Variants in FAF1 observed in about 807,000 individuals in gnomAD.
The protein encoded by FAF1 is FAS-associated factor 1.
Under a neutral mutation model 92.5 loss-of-function variants are expected in FAF1, and 25 were observed. The ratio of observed to expected loss-of-function variants is 0.27; its 90% CI spans 0.20 to 0.38. FAF1 has a LOEUF of 0.38. Among genes scored for constraint, FAF1 ranks in the 10% least tolerant of loss-of-function variants. The probability of loss-of-function intolerance (pLI) is 1.00; values close to 1 mark genes in which losing one functional copy is unlikely to be tolerated. For synonymous variants in FAF1, 234 were observed against 273.2 expected (o/e 0.86, Z 1.42); for missense variants, 636 against 793.3 (o/e 0.80, Z 2.38).
intron 17 of FAF1, among the ~76,000 whole-genome samples, chr1:50,486,462 T>C (rs1572777126): frequency 6.6e-6 from 1 of 152,298 alleles, no homozygotes; most frequent in South Asian, 2.1e-4. Flanking sequence ...ATCTATTCAT[T>C]AGTCCAGACA....
chr1:50,892,178 T>C (rs990471214), intron 1 of FAF1, among the ~76,000 whole-genome samples: 1 of 152,226 alleles, frequency 6.6e-6, no homozygotes, highest in Admixed American at 6.5e-5. Context: ...TATAATCTCC[T>C]GGTGTGCCGT....
chr1:50,545,461 G>A (rs540408945), intron 13 of FAF1, among the ~76,000 whole-genome samples: 1 of 152,088 alleles, frequency 6.6e-6, no homozygotes, highest in Admixed American at 6.6e-5. Flanking sequence ...TAGAGATGGG[G>A]TTGCACCATG....
At chr1:50,618,637 G>C (rs1299461408) in intron 8 of FAF1, among the ~76,000 whole-genome samples, 3 of 151,886 alleles carry the variant, frequency 2.0e-5, no homozygotes, top group Non-Finnish European at 4.4e-5. Flanking sequence ...CATATATTTA[G>C]GATAGTTAAG....
intron 7 of FAF1, among the ~76,000 whole-genome samples, chr1:50,700,314 C>CCT (rs138585618): frequency 8.6e-5 from 13 of 151,382 alleles, no homozygotes; most frequent in East Asian, 3.9e-4. Flanking sequence ...TCTTTTCCCC[C>CCT]CTCTCTCTCT....
At chr1:50,537,075 G>A (rs902948388) in intron 14 of FAF1, among the ~76,000 whole-genome samples, 2 of 152,092 alleles carry the variant, frequency 1.3e-5, no homozygotes, top group Admixed American at 6.6e-5. Flanking sequence ...TTATAGGTAT[G>A]TGCCACCACA....
intron 13 of FAF1, among the ~76,000 whole-genome samples, chr1:50,559,707 G>A (rs1355477111): frequency 2.6e-5 from 4 of 152,160 alleles, no homozygotes; most frequent in Non-Finnish European, 2.9e-5. Context: ...GAAAATGAGT[G>A]GGTAGGATGT....
intron 5 of FAF1, among the ~76,000 whole-genome samples, chr1:50,742,160 A>T (rs1268461226): frequency 6.6e-6 from 1 of 151,932 alleles, no homozygotes; most frequent in Non-Finnish European, 1.5e-5. Flanking sequence ...ATTTAAAAAA[A>T]AAAAAAATTA....
chr1:50,521,235 G>T (rs1034589021), intron 15 of FAF1, among the ~76,000 whole-genome samples: 4 of 151,952 alleles, frequency 2.6e-5, no homozygotes, highest in Non-Finnish European at 4.4e-5. Context: ...CCTCAGTTTA[G>T]TAGTAAACAA....
At chr1:50,564,636 T>C (rs1650089058) in intron 13 of FAF1, among the ~76,000 whole-genome samples, 1 of 152,128 alleles carries the variant, frequency 6.6e-6, no homozygotes, top group African/African-American at 2.4e-5. Flanking sequence ...TGCAATCAGT[T>C]TTCATGATAA....
intron 2 of FAF1, among the ~76,000 whole-genome samples, chr1:50,834,057 A>G (rs1322120188): frequency 6.6e-6 from 1 of 152,218 alleles, no homozygotes; most frequent in African/African-American, 2.4e-5. Flanking sequence ...CGACTGGATC[A>G]TCGGGCGGAT....
intron 7 of FAF1, among the ~76,000 whole-genome samples, chr1:50,693,721 C>T (rs1310815563): frequency 6.6e-6 from 1 of 151,686 alleles, no homozygotes; most frequent in Non-Finnish European, 1.5e-5. Context: ...TAAGTAATAC[C>T]TTAAGGATTA....
chr1:50,499,457 T>A (rs1436841044), intron 15 of FAF1, among the ~76,000 whole-genome samples: 3 of 150,548 alleles, frequency 2.0e-5, no homozygotes, highest in Non-Finnish European at 4.4e-5. Context: ...TTATCAGGAA[T>A]AAATTAGCTT....
At chr1:50,872,741 A>C (rs1056666962) in intron 1 of FAF1, among the ~76,000 whole-genome samples, 2 of 152,174 alleles carry the variant, frequency 1.3e-5, no homozygotes, top group African/African-American at 4.8e-5. Flanking sequence ...TACTAAAAAT[A>C]CAAAAAAAAG....
In FAF1 at chr1:50,800,047, C is replaced by CA. The variant is rs34425858; in HGVS notation, c.161+1583dup. Among the ~76,000 whole-genome samples the CA allele has an allele frequency of 4.6e-5, 7 of 152,012 alleles. No individual in the cohort carries two copies. In the South Asian group the frequency reaches 1.5e-3, roughly 32 times the overall value. On this transcript the variant is annotated intron_variant, in intron 3 of 18. Transcript: ENST00000396153. ...CATGTAGACATATGTTTCATTCCTTCAAAAAAAGCAAACAAAACCAACAAA... is the reference window on the plus strand; with the variant it reads ...CATGTAGACATATGTTTCATTCCTTCAAAAAAAAGCAAACAAAACCAACAAA...
chr1:50,914,381 T>C (rs1323460156), intron 1 of FAF1, among the ~76,000 whole-genome samples: 1 of 152,222 alleles, frequency 6.6e-6, no homozygotes, highest in Non-Finnish European at 1.5e-5. Context: ...TCAATGCTAC[T>C]CTCTAATTCT....
intron 18 of FAF1, among the ~76,000 whole-genome samples, chr1:50,472,425 A>ACACC (rs1250323428): frequency 9.0e-5 from 12 of 132,786 alleles, no homozygotes; most frequent in African/African-American, 2.5e-4. Flanking sequence ...ACACACACAA[A>ACACC]CCCCAAAACC....
chr1:50,608,834 G>A (rs1436822331), intron 8 of FAF1, among the ~76,000 whole-genome samples: 2 of 152,164 alleles, frequency 1.3e-5, no homozygotes, highest in Non-Finnish European at 2.9e-5. Flanking sequence ...TGGCTCTGCT[G>A]GTTAAGAGCT....
intron 7 of FAF1, among the ~76,000 whole-genome samples, chr1:50,688,028 G>A (rs983035350): frequency 2.8e-4 from 42 of 151,796 alleles, no homozygotes; most frequent in Admixed American, 1.8e-3. Flanking sequence ...CCAGCTACTC[G>A]GGAGGCTGAG....
chr1:50,553,711 T>A (rs531413846), intron 13 of FAF1, among the ~76,000 whole-genome samples: 52 of 152,146 alleles, frequency 3.4e-4, no homozygotes, highest in Non-Finnish European at 1.9e-4. Context: ...ACTAATTATA[T>A]TTGGTAGGAA....
Sources: gnomAD v4.1 joint callset for allele counts (sites outside exome capture counted in the v4.1 genomes callset) on GRCh38, gnomAD v4.1.1 for gene constraint, MANE v1.5 for transcripts, NCBI Gene and HGNC (gene_info 2026-07-23, HGNC 2026-07-21) for gene names.